MAGI1: variants seen among roughly 807,000 people sequenced by gnomAD.
The protein encoded by MAGI1 is membrane associated guanylate kinase, WW and PDZ domain containing 1, also known as membrane-associated guanylate kinase, WW and PDZ domain-containing protein 1.
A neutral mutation model predicts 139.9 loss-of-function variants in MAGI1; 58 were observed. The observed-to-expected ratio is 0.41, with a 90% CI of 0.34 to 0.52. The LOEUF is 0.52. Among genes scored for constraint, MAGI1 ranks in the 20% least tolerant of loss-of-function variants. The pLI, the probability that MAGI1 is intolerant of heterozygous loss-of-function variation, is 0.12. For synonymous variants in MAGI1, 812 were observed against 737.9 expected, an observed-to-expected ratio of 1.10 and a Z score of -1.63; for missense variants, 1,874 against 1,901.6, an observed-to-expected ratio of 0.99 and a Z score of 0.27.
chr3:65,364,627 C>T (rs780379398), intron 20 of MAGI1, 38 bp downstream of exon 20: 79 of 1,571,640 alleles, frequency 5.0e-5, no homozygotes, highest in Middle Eastern at 4.1e-4. Context: ...TGGAAGGAAA[C>T]GTGCAAAGTA....
chr3:65,470,601 G>A, intron 4 of MAGI1, 117 bp from the exon 5 acceptor site: 1 of 590,684 alleles, frequency 1.7e-6, no homozygotes, highest in Admixed American at 3.2e-5. Flanking sequence ...ATTCTTAAAT[G>A]CTCTTATCCT....
intron 22 of MAGI1, among the ~76,000 whole-genome samples, chr3:65,357,696 GA>G (rs1309630765): frequency 2.6e-5 from 4 of 152,014 alleles, no homozygotes; most frequent in African/African-American, 9.7e-5. Context: ...ATACAGAAGT[GA>G]AAAATCTACT....
At chr3:65,418,957 C>T (rs1946433078) in intron 12 of MAGI1, among the ~76,000 whole-genome samples, 1 of 152,202 alleles carries the variant, frequency 6.6e-6, no homozygotes, top group Non-Finnish European at 1.5e-5. Context: ...ACACTGTCTT[C>T]TCTTGGGTTC....
intron 1 of MAGI1, among the ~76,000 whole-genome samples, chr3:65,891,896 A>G (rs1207792231): frequency 1.8e-4 from 3 of 16,722 alleles, no homozygotes; most frequent in South Asian, 4.7e-3. Context: ...ATATATATAT[A>G]TATATATATA....
At chr3:65,780,447 G>C (rs184591811) in intron 1 of MAGI1, among the ~76,000 whole-genome samples, 2 of 152,138 alleles carry the variant, frequency 1.3e-5, no homozygotes, top group Non-Finnish European at 2.9e-5. Flanking sequence ...TATAACCACA[G>C]TACTAAGGAG....
At chr3:65,721,390 G>A (rs2033003342) in intron 1 of MAGI1, among the ~76,000 whole-genome samples, 1 of 152,158 alleles carries the variant, frequency 6.6e-6, no homozygotes, top group Non-Finnish European at 1.5e-5. Flanking sequence ...AGAGTAAAAG[G>A]GGTGCTACTG....
chr3:65,611,276 AATAGT>A (rs1477103419), intron 2 of MAGI1, among the ~76,000 whole-genome samples: 1 of 141,810 alleles, frequency 7.1e-6, no homozygotes, highest in Non-Finnish European at 1.5e-5. Context: ...ATATACTATA[AATAGT>A]ATAGTATACT....
At chr3:65,357,645 G>A (rs375935023) in intron 22 of MAGI1, among the ~76,000 whole-genome samples, 2 of 152,064 alleles carry the variant, frequency 1.3e-5, no homozygotes, top group South Asian at 2.1e-4. Context: ...AGCAGGGCAG[G>A]AATCATCTAC....
At chr3:65,731,302 C>G (rs2034163841) in intron 1 of MAGI1, among the ~76,000 whole-genome samples, 1 of 152,082 alleles carries the variant, frequency 6.6e-6, no homozygotes, top group Admixed American at 6.6e-5. Flanking sequence ...AACACCATCA[C>G]ACAGTCCACC....
At chr3:65,880,428 C>A (rs1054270002) in intron 1 of MAGI1, among the ~76,000 whole-genome samples, 10 of 152,206 alleles carry the variant, frequency 6.6e-5, no homozygotes, top group Non-Finnish European at 8.8e-5. Context: ...CATCTCATAT[C>A]CCCTGTCAGG....
At chr3:65,407,044 A>T (rs1254880353) in intron 12 of MAGI1, among the ~76,000 whole-genome samples, 1 of 152,234 alleles carries the variant, frequency 6.6e-6, no homozygotes, top group Non-Finnish European at 1.5e-5. Context: ...ATTTACAATT[A>T]ATTTTAACTC....
At chr3:65,377,918 G>C (rs554643988) in intron 17 of MAGI1, among the ~76,000 whole-genome samples, 76 of 152,310 alleles carry the variant, frequency 5.0e-4, no homozygotes, top group Non-Finnish European at 8.2e-4. Flanking sequence ...TGGAGGCCAA[G>C]TGAGCTCTAC....
chr3:65,625,355 T>C (rs2083915634), intron 1 of MAGI1, among the ~76,000 whole-genome samples: 1 of 152,176 alleles, frequency 6.6e-6, no homozygotes, highest in Non-Finnish European at 1.5e-5. Context: ...TGTGAGTCAA[T>C]GTTCAGGTTG....
intron 1 of MAGI1, among the ~76,000 whole-genome samples, chr3:66,006,602 G>A (rs17074280): frequency 0.087 from 13,223 of 152,118 alleles, 726 homozygotes; most frequent in Middle Eastern, 0.17. Context: ...TTTTTCATCT[G>A]TTTAGACTCT....
chr3:66,010,873 C>T (rs1033000180), intron 1 of MAGI1, among the ~76,000 whole-genome samples: 2 of 152,136 alleles, frequency 1.3e-5, no homozygotes, highest in Non-Finnish European at 2.9e-5. Flanking sequence ...ATTTTATGGC[C>T]GGTCTCATCC....
intron 1 of MAGI1, among the ~76,000 whole-genome samples, chr3:65,809,129 C>T (rs921857813): frequency 2.6e-5 from 4 of 152,172 alleles, no homozygotes; most frequent in African/African-American, 7.2e-5. Flanking sequence ...TGCATTTACA[C>T]TGAAATACTA....
chr3:65,426,463 T>C (rs1947050233), intron 12 of MAGI1, among the ~76,000 whole-genome samples: 1 of 152,194 alleles, frequency 6.6e-6, no homozygotes, highest in South Asian at 2.1e-4. Flanking sequence ...GCCCGTTCTT[T>C]AAAGCATAGA....
At chr3:65,359,217 A>G in intron 22 of MAGI1, 1 of 1,598,884 alleles carries the variant, frequency 6.3e-7, no homozygotes, top group Non-Finnish European at 8.5e-7. Flanking sequence ...AAAGAGAAAA[A>G]GTTGAACATT....
chr3:65,494,010 G>C (rs900198263), intron 2 of MAGI1, among the ~76,000 whole-genome samples: 1 of 152,176 alleles, frequency 6.6e-6, no homozygotes, highest in Non-Finnish European at 1.5e-5. Context: ...TCCACCTTAA[G>C]CTCAGAGCCT....
Sources: allele counts gnomAD v4.1 joint callset (sites outside exome capture counted in the v4.1 genomes callset), GRCh38; gene constraint gnomAD v4.1.1; transcripts MANE v1.5; gene names NCBI Gene and HGNC (gene_info 2026-07-23, HGNC 2026-07-21).